The following CRK variants were observed in gnomAD, a reference collection of about 807,000 sequenced individuals.
CRK encodes the protein CRK proto-oncogene, adaptor protein.
Under a neutral mutation model 29.8 loss-of-function variants are expected in CRK, and 4 were observed. The observed-to-expected ratio is 0.13, with a 90% CI of 0.07 to 0.31. CRK has a LOEUF of 0.31. CRK is among the 10% of genes least tolerant of loss of function. The probability of loss-of-function intolerance (pLI) is 1.00; values close to 1 mark genes in which losing one functional copy is unlikely to be tolerated. For missense variants in CRK, 274 were observed against 396.5 expected (o/e 0.69, Z 2.62); for synonymous variants, 153 against 164.9 (o/e 0.93, Z 0.55).
At position 1,453,044 on chromosome 17, in the gene CRK, G is replaced by A. The variant is rs569795412; in HGVS notation, c.241+2833C>T. On this transcript the variant is annotated intron_variant, in intron 1 of 2. Transcript: ENST00000300574. ...GATGGCTTGAGCCCAGGAGGTCAAG[G>A]CTGCAGTGAGCTGTGTTCATGCCAC... Among the ~76,000 whole-genome samples the A allele has an allele frequency of 1.7e-3, 254 of 152,282 alleles. 1 individual carries two copies. The highest frequency in any genetic ancestry group is 5.7e-3 in the African/African-American group (235 of 41,572).
Position 1,423,089 on chromosome 17 carries a change from G to T in CRK, c.*424C>A, listed in dbSNP as rs528886850. The T allele has an allele frequency of 4.8e-5, 20 of 416,694 alleles. No individual in the cohort carries two copies. In the South Asian group the frequency reaches 1.9e-3, roughly 40 times the overall value. 25.8% of individuals were successfully genotyped at this position (416,694 alleles called of 1,614,324 possible). On this transcript the variant is annotated 3_prime_UTR_variant, in exon 3 of 3. Transcript: ENST00000300574. ...TTCACACGGTGCATGATTACTTCAC[G>T]GGGGTGGAACGGAACAGTCTGTCGC... is the stretch of plus-strand genomic sequence containing the variant.
intron 1 of CRK, among the ~76,000 whole-genome samples, chr17:1,450,513 A>G (rs2150913759): frequency 1.8e-5 from 2 of 112,374 alleles, no homozygotes; most frequent in Admixed American, 1.9e-4. Context: ...TTCTGTCTCA[A>G]AAAAAGAAAA....
chr17:1,439,329 C>G (rs536078351), intron 1 of CRK, among the ~76,000 whole-genome samples: 227 of 152,190 alleles, frequency 1.5e-3, no homozygotes, highest in South Asian at 2.3e-3. Flanking sequence ...GATCTCCTGA[C>G]CTAGTGATCC....
intron 1 of CRK, among the ~76,000 whole-genome samples, chr17:1,442,402 T>C (rs897052987): frequency 1.3e-5 from 2 of 151,996 alleles, no homozygotes; most frequent in African/African-American, 4.8e-5. Context: ...TCGGCCCACC[T>C]TGGCCTCCCA....
At chr17:1,447,278 C>A (rs1325084185) in intron 1 of CRK, among the ~76,000 whole-genome samples, 1 of 152,144 alleles carries the variant, frequency 6.6e-6, no homozygotes, top group Non-Finnish European at 1.5e-5. Context: ...TCATAGCTAT[C>A]TGGGACTTGG....
chr17:1,456,161 G>A lies in CRK; in HGVS notation c.-44C>T, dbSNP rs928861890. ...ACGCTGGGGTGCCGCCGCCGCGCGC[G>A]CCCCTCCGGCCCCCGGCGCCCGCCG... is the stretch of plus-strand genomic sequence containing the variant. On this transcript the variant is annotated 5_prime_UTR_variant, in exon 1 of 3. Coordinates refer to ENST00000300574, the MANE Select transcript of CRK (RefSeq NM_016823.4). The A allele has an allele frequency of 9.3e-6, 13 of 1,405,160 alleles. No homozygotes were observed. The South Asian group carries it at 9.6e-5, about 10-fold the overall frequency. The allele number at this position is 1,405,160 out of a possible 1,614,324, so 87.0% of individuals were successfully genotyped here.
chr17:1,438,466 A>G (rs1294431567), intron 1 of CRK, among the ~76,000 whole-genome samples: 1 of 152,118 alleles, frequency 6.6e-6, no homozygotes, highest in Non-Finnish European at 1.5e-5. Context: ...GGTGATCTCA[A>G]TTTTATCTTT....
At chr17:1,439,005 T>G (rs187086064) in intron 1 of CRK, among the ~76,000 whole-genome samples, 14 of 152,108 alleles carry the variant, frequency 9.2e-5, no homozygotes, top group Admixed American at 9.2e-4. Context: ...GGCTAATTTT[T>G]GTATTTTTTG....
chr17:1,437,839 T>C (rs1366410432), intron 1 of CRK, among the ~76,000 whole-genome samples: 1 of 144,608 alleles, frequency 6.9e-6, no homozygotes, highest in East Asian at 2.0e-4. Context: ...TTTTTTTTTG[T>C]ATTTTTAGTA....
chr17:1,455,732 C>T (rs1224159389), intron 1 of CRK, 145 bp downstream of exon 1: 252 of 1,223,362 alleles, frequency 2.1e-4, no homozygotes, highest in Non-Finnish European at 5.5e-5. Flanking sequence ...TGAGAGCGAG[C>T]CCGAGCAGCC....
chr17:1,436,943 G>A lies in CRK; in HGVS notation c.454C>T (p.Pro152Ser), dbSNP rs1318927794. The A allele has an allele frequency of 5.0e-6, 8 of 1,614,184 alleles. No homozygotes were observed. The Admixed American group carries it at 8.3e-5, about 17-fold the overall frequency. Residue 152 changes from proline to serine, a missense_variant, in exon 2 of 3, where the codon CCC (proline) becomes TCC (serine). Physicochemically the swap from Pro to Ser is moderately conservative, Grantham distance 74. Around this residue, in one of 3 missense-constraint regions of CRK, gnomAD observed 18 missense variants for 61.3 expected, o/e 0.29. Coordinates refer to ENST00000300574, the MANE Select transcript of CRK (RefSeq NM_016823.4). ...CTCAAGATGTCTCCTTTCTTAAAGGGAAGATCTTCCTCATCATTCCCATTA... is the reference window on the plus strand; with the variant it reads ...CTCAAGATGTCTCCTTTCTTAAAGGAAAGATCTTCCTCATCATTCCCATTA... ...DFNGNDEEDLPFKKGDILRIR... is the reference protein window; with the variant it reads ...DFNGNDEEDLSFKKGDILRIR...
At chr17:1,453,392 A>G (rs2074033170) in intron 1 of CRK, among the ~76,000 whole-genome samples, 1 of 152,196 alleles carries the variant, frequency 6.6e-6, no homozygotes, top group Admixed American at 6.6e-5. Context: ...AACACAAACA[A>G]AAGGCTGAAA....
chr17:1,438,022 T>G (rs1339176922), intron 1 of CRK, among the ~76,000 whole-genome samples: 1 of 152,042 alleles, frequency 6.6e-6, no homozygotes, highest in Non-Finnish European at 1.5e-5. Flanking sequence ...CATGGGTCCC[T>G]GCTGCTGTTC....
At chr17:1,431,062 G>A (rs542747789) in intron 2 of CRK, among the ~76,000 whole-genome samples, 27 of 109,192 alleles carry the variant, frequency 2.5e-4, no homozygotes, top group East Asian at 4.6e-4. Context: ...GTGAGACTCC[G>A]TCTCAAAACA....
chr17:1,440,723 A>AAAAC (rs554176918), intron 1 of CRK, among the ~76,000 whole-genome samples: 26 of 152,200 alleles, frequency 1.7e-4, no homozygotes, highest in African/African-American at 3.4e-4. Context: ...CTTCGTCTCA[A>AAAAC]AAACAAACAA....
rs149997918 is a variant in CRK at position 1,438,583 on chromosome 17, C to T, written c.242-1428G>A. ...TAAATAAAACAGAAACTAGACTGTTCGCTATGAAGCAAACAGGTCATTAAA... is the reference window on the plus strand; with the variant it reads ...TAAATAAAACAGAAACTAGACTGTTTGCTATGAAGCAAACAGGTCATTAAA... On this transcript the variant is annotated intron_variant, in intron 1 of 2. Transcript: ENST00000300574. Among the ~76,000 whole-genome samples the T allele has an allele frequency of 4.3e-4, 65 of 151,670 alleles. No individual in the cohort carries two copies. In the East Asian group the frequency reaches 0.011, roughly 25 times the overall value.
intron 1 of CRK, among the ~76,000 whole-genome samples, chr17:1,443,277 C>T (rs377171503): frequency 1.1e-4 from 17 of 152,244 alleles, no homozygotes; most frequent in Admixed American, 3.9e-4. Context: ...CCACTGCACC[C>T]GGCCGCAGCC....
chr17:1,445,715 G>A (rs1297307147), intron 1 of CRK, among the ~76,000 whole-genome samples: 2 of 152,106 alleles, frequency 1.3e-5, no homozygotes, highest in African/African-American at 4.8e-5. Flanking sequence ...CAGTGTGAGC[G>A]CATAGGGACC....
Position 1,421,577 on chromosome 17 carries a change from T to C in CRK, c.*1936A>G, listed in dbSNP as rs960364150. The C allele has an allele frequency of 6.6e-5, 10 of 152,308 alleles. No individual in the cohort carries two copies. The highest frequency in any genetic ancestry group is 2.4e-4 in the African/African-American group (10 of 41,580). The allele number at this position is 152,308 out of a possible 1,614,324, so 9.4% of individuals were successfully genotyped here. On this transcript the variant is annotated 3_prime_UTR_variant, in exon 3 of 3. Coordinates refer to ENST00000300574, the MANE Select transcript of CRK (RefSeq NM_016823.4). ...TGACCTTAGTGTGAGGTAAAATACA[T>C]TAAATTAGCGTCAACGCGTTAGTCT...
Sources: gnomAD v4.1 joint callset for allele counts (sites outside exome capture counted in the v4.1 genomes callset) on GRCh38, gnomAD v4.1.1 for gene constraint, gnomAD v4.1.1 regional missense constraint, MANE v1.5 for transcripts, NCBI Gene and HGNC (gene_info 2026-07-23, HGNC 2026-07-21) for gene names.